TIAM2: variants seen among roughly 807,000 people sequenced by gnomAD.
TIAM2 encodes the protein TIAM Rac1 associated GEF 2, also known as rho guanine nucleotide exchange factor TIAM2.
TIAM2 carries 80 observed loss-of-function variants against 152.9 expected under a neutral mutation model. The ratio of observed to expected loss-of-function variants is 0.52; its 90% CI spans 0.44 to 0.63. The LOEUF (loss-of-function observed/expected upper bound fraction) is 0.63, where lower values mean the gene tolerates loss of function less well. TIAM2 is among the 30% of genes least tolerant of loss of function. The pLI, the probability that TIAM2 is intolerant of heterozygous loss-of-function variation, is 0.00. For synonymous variants in TIAM2, 804 were observed against 838.0 expected, an observed-to-expected ratio of 0.96 and a Z score of 0.70; for missense variants, 1,965 against 2,120.1, an observed-to-expected ratio of 0.93 and a Z score of 1.44.
intron 1 of TIAM2, among the ~76,000 whole-genome samples, chr6:155,086,115 TC>T (rs1316500564): frequency 9.9e-5 from 15 of 152,158 alleles, no homozygotes; most frequent in African/African-American, 3.6e-4. Flanking sequence ...CAGGGAAGCT[TC>T]ATTGTTCACG....
chr6:155,119,121 G>A (rs1779090944), intron 2 of TIAM2, among the ~76,000 whole-genome samples: 2 of 151,114 alleles, frequency 1.3e-5, no homozygotes, highest in African/African-American at 4.9e-5. Context: ...TACAACCTCC[G>A]CCTCCTGGGT....
At chr6:155,085,509 T>C (rs898149019) in intron 1 of TIAM2, among the ~76,000 whole-genome samples, 5 of 152,064 alleles carry the variant, frequency 3.3e-5, no homozygotes, top group African/African-American at 1.2e-4. Context: ...ACCCAGTCCT[T>C]GGCAGTAGGC....
chr6:155,229,444 C>T (rs940712427), intron 15 of TIAM2, among the ~76,000 whole-genome samples: 11 of 152,328 alleles, frequency 7.2e-5, no homozygotes, highest in African/African-American at 2.6e-4. Context: ...ACACTGAATG[C>T]TCTTGACCAC....
At chr6:155,193,898 A>G (rs1171142825) in intron 14 of TIAM2, among the ~76,000 whole-genome samples, 1 of 152,256 alleles carries the variant, frequency 6.6e-6, no homozygotes, top group African/African-American at 2.4e-5. Context: ...CCATCAGTGC[A>G]CATGTCCTCA....
Position 155,073,822 on chromosome 6 carries a change from A to G in TIAM2, c.-208-16467A>G, listed in dbSNP as rs193138991. On this transcript the variant is annotated intron_variant, in intron 1 of 26. Transcript: ENST00000682666. Reference sequence around the variant, plus strand: ...TAGAAGAGGAGTTTGGAACCTTCCCATAGGGCAGAGTGGGAGTGCTTCTCA... The same window carrying G: ...TAGAAGAGGAGTTTGGAACCTTCCCGTAGGGCAGAGTGGGAGTGCTTCTCA... Among the ~76,000 whole-genome samples, 622 of 152,320 alleles carry G rather than the reference A, an allele frequency of 4.1e-3. 3 individuals are homozygous for G. The highest frequency in any genetic ancestry group is 5.5e-3 in the Non-Finnish European group (373 of 68,036).
intron 15 of TIAM2, among the ~76,000 whole-genome samples, chr6:155,226,144 C>T (rs945596140): frequency 6.6e-5 from 10 of 152,094 alleles, no homozygotes; most frequent in African/African-American, 2.2e-4. Flanking sequence ...GAAATCATAG[C>T]ACCTGGACCC....
At chr6:155,134,906 C>T (rs986402105) in intron 4 of TIAM2, among the ~76,000 whole-genome samples, 8 of 151,978 alleles carry the variant, frequency 5.3e-5, no homozygotes, top group Middle Eastern at 3.2e-3. Flanking sequence ...GGGGTTTCAC[C>T]GTGTTAGCCA....
chr6:155,033,544 T>C (rs1776861941), intron 1 of TIAM2, among the ~76,000 whole-genome samples: 1 of 152,066 alleles, frequency 6.6e-6, no homozygotes, highest in South Asian at 2.1e-4. Flanking sequence ...TTTAGTTTCT[T>C]AGTTAAGAAA....
At chr6:155,252,197 A>G (rs3011898) in intron 23 of TIAM2, among the ~76,000 whole-genome samples, 194 bp downstream of exon 23, 55,084 of 152,048 alleles carry the variant, frequency 0.36, 10,729 homozygotes, top group Middle Eastern at 0.51. Context: ...AAAAGAAGAT[A>G]TACAGCTGGG....
chr6:155,190,853 A>C (rs1462702647), intron 14 of TIAM2, among the ~76,000 whole-genome samples: 1 of 151,892 alleles, frequency 6.6e-6, no homozygotes, highest in African/African-American at 2.4e-5. Flanking sequence ...AAAAAAAAAG[A>C]TCTCACTTTC....
At position 155,231,350 on chromosome 6, in the gene TIAM2, T is replaced by C. The variant is rs115252382; in HGVS notation, c.3169-9180T>C. On this transcript the variant is annotated intron_variant, in intron 15 of 26. Transcript: ENST00000682666. ...TGTCTAGTCTAGAAGACAAATAATATGGGGCTCTTTGGAGCAGCATTTCTT... is the reference window on the plus strand; with the variant it reads ...TGTCTAGTCTAGAAGACAAATAATACGGGGCTCTTTGGAGCAGCATTTCTT... 8.3e-3 allele frequency among the ~76,000 whole-genome samples: 1,267 copies of C among 152,346 alleles called. 18 individuals are homozygous for C. Among genetic ancestry groups the C allele is most frequent in the African/African-American group, 0.029 (1,196 of 41,586 alleles).
intron 1 of TIAM2, chr6:155,005,331 T>A (rs971544382): frequency 5.6e-6 from 1 of 178,004 alleles, no homozygotes; most frequent in African/African-American, 2.4e-5. Context: ...TTTTTGTTTT[T>A]GTTTTTGTTT....
intron 19 of TIAM2, among the ~76,000 whole-genome samples, chr6:155,247,309 T>A (rs938500658): frequency 6.6e-6 from 1 of 152,198 alleles, no homozygotes; most frequent in African/African-American, 2.4e-5. Flanking sequence ...AGGGTCTGGA[T>A]AACATTGCTT....
At chr6:155,191,923 A>G (rs1781215021) in intron 14 of TIAM2, among the ~76,000 whole-genome samples, 2 of 152,216 alleles carry the variant, frequency 1.3e-5, no homozygotes, top group Admixed American at 1.3e-4. Context: ...ACATGTCCAC[A>G]TTCGAATCCC....
chr6:155,198,440 A>G (rs1157915718), intron 14 of TIAM2, among the ~76,000 whole-genome samples: 1 of 152,166 alleles, frequency 6.6e-6, no homozygotes, highest in African/African-American at 2.4e-5. Context: ...AGGCGGGTGG[A>G]TCACCTGAGG....
chr6:155,027,435 A>G (rs1231884902), intron 1 of TIAM2, among the ~76,000 whole-genome samples: 1 of 90,696 alleles, frequency 1.1e-5, no homozygotes, highest in East Asian at 2.6e-4. Context: ...TATATACTAT[A>G]TATAATATAT....
chr6:155,253,124 A>G, intron 24 of TIAM2, 71 bp downstream of exon 24: 2 of 1,314,164 alleles, frequency 1.5e-6, no homozygotes, highest in Non-Finnish European at 1.1e-6. Flanking sequence ...GTAAATTAAG[A>G]AAGGACCTTG....
chr6:155,022,647 G>A (rs1277909809), intron 1 of TIAM2: 3 of 152,204 alleles, frequency 2.0e-5, no homozygotes, highest in Non-Finnish European at 4.4e-5. Context: ...GGTATTTAAT[G>A]CTAAGGAGAA....
intron 1 of TIAM2, among the ~76,000 whole-genome samples, chr6:155,078,894 A>G (rs1778007017): frequency 6.6e-6 from 1 of 152,074 alleles, no homozygotes; most frequent in South Asian, 2.1e-4. Flanking sequence ...GATCCCAAAT[A>G]TATCTTCCTC....
Sources: allele counts gnomAD v4.1 joint callset (sites outside exome capture counted in the v4.1 genomes callset), GRCh38; gene constraint gnomAD v4.1.1; transcripts MANE v1.5; gene names NCBI Gene and HGNC (gene_info 2026-07-23, HGNC 2026-07-21).